The following MOCOS variants were observed in gnomAD, a reference collection of about 807,000 sequenced individuals.
MOCOS encodes the protein human molybdenum cofactor sulfurase.
In MOCOS, 86 loss-of-function variants were observed where a neutral mutation model predicts 83.6. The ratio of observed to expected loss-of-function variants is 1.03; its 90% CI spans 0.86 to 1.23. The LOEUF is 1.23. MOCOS is among the 50% of genes most tolerant of loss of function. The pLI is 0.00. For synonymous variants in MOCOS, 445 were observed against 434.7 expected (o/e 1.02, Z -0.29); for missense variants, 1,120 against 1,126.9 (o/e 0.99, Z 0.09).
At chr18:36,231,844 A>G (rs1016582840) in intron 9 of MOCOS, among the ~76,000 whole-genome samples, 1 of 152,224 alleles carries the variant, frequency 6.6e-6, no homozygotes, top group Non-Finnish European at 1.5e-5. Flanking sequence ...AAACTTGCTC[A>G]GTGCACATAC....
Position 36,191,151 on chromosome 18 carries a change from G to A in MOCOS, c.142+3470G>A, listed in dbSNP as rs185496606. The stretch of plus-strand genomic sequence containing the variant: ...GCTTGCTTCGCTTTCCACCAAGATT[G>A]TAAAGTTTCCTGAGGCCTCCCCAGC... On this transcript the variant is annotated intron_variant, in intron 1 of 14. Coordinates refer to ENST00000261326, the MANE Select transcript of MOCOS (RefSeq NM_017947.4). Among the ~76,000 whole-genome samples the A allele has an allele frequency of 6.6e-5, 10 of 151,792 alleles. No individual in the cohort carries two copies. The East Asian group carries it at 1.9e-3, about 29-fold the overall frequency.
chr18:36,267,442 T>C (rs979543867), intron 14 of MOCOS, among the ~76,000 whole-genome samples: 6 of 152,226 alleles, frequency 3.9e-5, no homozygotes, highest in Admixed American at 3.3e-4. Context: ...ATAGAACAAT[T>C]CTTGAAAATT....
At position 36,260,109 on chromosome 18, in the gene MOCOS, C is replaced by T; in HGVS notation, c.2343C>T (p.Ile781=). The T allele has an allele frequency of 6.2e-7, 1 of 1,614,074 alleles. No homozygotes were observed. The highest frequency in any genetic ancestry group is 1.3e-5 in the African/African-American group (1 of 75,016). ...LSLRFRANII[I]NGKRAFEEEK... ...TGCGTTTTCGTGCCAATATTATTAT[C>T]AATGGAAAAAGGGCTTTTGAAGAAG... The change falls in exon 13 of 15, where the codon ATC becomes ATT. Residue 781 remains isoleucine (I), a synonymous_variant. Coordinates refer to ENST00000261326, the MANE Select transcript of MOCOS (RefSeq NM_017947.4).
At chr18:36,263,631 G>T (rs981213671) in intron 13 of MOCOS, among the ~76,000 whole-genome samples, 4 of 152,136 alleles carry the variant, frequency 2.6e-5, no homozygotes, top group African/African-American at 7.2e-5. Context: ...GATGTCCTAG[G>T]ATGGCCGGGG....
intron 9 of MOCOS, among the ~76,000 whole-genome samples, chr18:36,239,939 C>G (rs2091574642): frequency 6.6e-6 from 1 of 150,792 alleles, no homozygotes; most frequent in African/African-American, 2.4e-5. Context: ...GCTCCTGAGG[C>G]TTCTGCATTC....
intron 9 of MOCOS, 142 bp from the exon 10 acceptor site, chr18:36,248,779 GT>G: frequency 1.4e-6 from 1 of 708,868 alleles, no homozygotes; most frequent in African/African-American, 1.8e-5. Flanking sequence ...TTTTGGTTCT[GT>G]ATCCTGTCAC....
intron 9 of MOCOS, among the ~76,000 whole-genome samples, chr18:36,224,132 C>T (rs2091506930): frequency 6.6e-6 from 1 of 152,038 alleles, no homozygotes. Flanking sequence ...TGATGTGTAT[C>T]CTGTATCCTG....
rs2144166859 is a variant in MOCOS at position 36,271,643 on chromosome 18, C to G, written c.*2958C>G. On this transcript the variant is annotated 3_prime_UTR_variant, in exon 15 of 15. Coordinates refer to ENST00000261326, the MANE Select transcript of MOCOS (RefSeq NM_017947.4). ...CCTTGGTGTTAGAGTCACAAAAAGT[C>G]CTTTTTTAAAAAAACTTGGTGAGAA... The G allele has an allele frequency of 6.6e-6, 1 of 152,216 alleles. No individual in the cohort carries two copies. Among genetic ancestry groups the G allele is most frequent in the South Asian group, 2.1e-4 (1 of 4,804 alleles). 9.4% of individuals were successfully genotyped at this position (152,216 alleles called of 1,614,324 possible). A position where few individuals can be genotyped will look rare whatever the true frequency, so the allele number is the denominator to read the frequency against.
At chr18:36,216,270 G>C (rs959375704) in intron 8 of MOCOS, among the ~76,000 whole-genome samples, 2 of 152,126 alleles carry the variant, frequency 1.3e-5, no homozygotes, top group African/African-American at 4.8e-5. Flanking sequence ...CATTGTATGT[G>C]TTTATTTGTT....
chr18:36,213,801 C>T (rs906031652), intron 7 of MOCOS, among the ~76,000 whole-genome samples: 9 of 151,800 alleles, frequency 5.9e-5, no homozygotes, highest in South Asian at 2.1e-4. Context: ...TGATGGCATG[C>T]GCCTGTAATC....
Position 36,200,000 on chromosome 18 carries a change from T to C in MOCOS, c.617T>C (p.Phe206Ser), listed in dbSNP as rs1469739076. The C allele has an allele frequency of 6.2e-7, 1 of 1,614,192 alleles. No homozygotes were observed. Among genetic ancestry groups the C allele is most frequent in the South Asian group, 1.1e-5 (1 of 91,080 alleles). ...TTCTGCTACCCAGCTCAGAGTAACTTTTCTGGAGTCAGATACCCCCTGTCC... is the reference window on the plus strand; with the variant it reads ...TTCTGCTACCCAGCTCAGAGTAACTCTTCTGGAGTCAGATACCCCCTGTCC... ...HLFCYPAQSN[F>S]SGVRYPLSWI... is the part of the protein sequence containing the mutation. The change falls in exon 4 of 15, where the codon TTT (phenylalanine) becomes TCT (serine). Residue 206 changes from phenylalanine (F) to serine (S), a missense_variant. Coordinates refer to ENST00000261326, the MANE Select transcript of MOCOS (RefSeq NM_017947.4).
At chr18:36,192,352 C>T (rs1437261158) in intron 1 of MOCOS, among the ~76,000 whole-genome samples, 1 of 152,042 alleles carries the variant, frequency 6.6e-6, no homozygotes, top group Non-Finnish European at 1.5e-5. Flanking sequence ...AAAACAATTC[C>T]GAAGGCATCA....
intron 9 of MOCOS, among the ~76,000 whole-genome samples, chr18:36,227,356 C>T (rs945063066): frequency 7.2e-5 from 11 of 151,936 alleles, no homozygotes; most frequent in East Asian, 3.9e-4. Context: ...CTTACCCTAC[C>T]GAGTAGCTGG....
At chr18:36,233,075 A>G (rs2091544535) in intron 9 of MOCOS, among the ~76,000 whole-genome samples, 2 of 152,106 alleles carry the variant, frequency 1.3e-5, no homozygotes, top group East Asian at 1.9e-4. Context: ...GTTTAGGTAC[A>G]TGGGTAAGTT....
At chr18:36,247,376 A>G (rs1281575022) in intron 9 of MOCOS, among the ~76,000 whole-genome samples, 1 of 151,992 alleles carries the variant, frequency 6.6e-6, no homozygotes, top group Non-Finnish European at 1.5e-5. Context: ...TTTACTTCCC[A>G]TTTGTCTCCT....
At chr18:36,203,990 T>C (rs2091424820) in intron 5 of MOCOS, among the ~76,000 whole-genome samples, 1 of 152,244 alleles carries the variant, frequency 6.6e-6, no homozygotes, top group South Asian at 2.1e-4. Context: ...ATGCAAAGGT[T>C]GACTGTACCA....
At chr18:36,264,290 C>T (rs1176689896) in intron 13 of MOCOS, among the ~76,000 whole-genome samples, 1 of 151,632 alleles carries the variant, frequency 6.6e-6, no homozygotes, top group Non-Finnish European at 1.5e-5. Context: ...AGGATTTTTA[C>T]AGAAGTTGTT....
At chr18:36,192,976 A>T (rs1364334908) in intron 1 of MOCOS, among the ~76,000 whole-genome samples, 5 of 152,080 alleles carry the variant, frequency 3.3e-5, no homozygotes, top group African/African-American at 1.2e-4. Context: ...AGAAGATCAA[A>T]GTTAGAGGAA....
At chr18:36,240,651 G>T (rs541496199) in intron 9 of MOCOS, among the ~76,000 whole-genome samples, 2 of 152,236 alleles carry the variant, frequency 1.3e-5, no homozygotes, top group African/African-American at 4.8e-5. Context: ...CTTGAGCTGT[G>T]GTGGGCTCCA....
Sources: allele counts gnomAD v4.1 joint callset (sites outside exome capture counted in the v4.1 genomes callset), GRCh38; gene constraint gnomAD v4.1.1; transcripts MANE v1.5; gene names NCBI Gene and HGNC (gene_info 2026-07-23, HGNC 2026-07-21).